Variants in DOCK3 observed in about 807,000 individuals in gnomAD.
DOCK3 encodes the protein dedicator of cytokinesis protein 3.
Under a neutral mutation model 265.6 loss-of-function variants are expected in DOCK3, and 60 were observed. The observed-to-expected ratio is 0.23, with a 90% CI of 0.18 to 0.28. The LOEUF (loss-of-function observed/expected upper bound fraction) is 0.28. Among genes scored for constraint, DOCK3 ranks in the 10% least tolerant of loss-of-function variants. DOCK3 has a pLI of 1.00. For synonymous variants in DOCK3, 881 were observed against 938.0 expected (o/e 0.94, Z 1.11); for missense variants, 1,981 against 2,594.3 (o/e 0.76, Z 5.14).
intron 23 of DOCK3, among the ~76,000 whole-genome samples, chr3:51,266,274 A>G (rs951833462): frequency 2.0e-5 from 3 of 152,200 alleles, no homozygotes; most frequent in Admixed American, 6.5e-5. Flanking sequence ...TATAGAGTCA[A>G]TGCCATCCCC....
intron 1 of DOCK3, among the ~76,000 whole-genome samples, chr3:50,686,470 T>C (rs1156960467): frequency 3.9e-5 from 6 of 152,194 alleles, no homozygotes; most frequent in Admixed American, 6.5e-5. Context: ...ATTCACCTGG[T>C]TTATTCACAG....
intron 2 of DOCK3, among the ~76,000 whole-genome samples, chr3:50,784,208 T>A (rs1175237349): frequency 6.6e-6 from 1 of 152,212 alleles, no homozygotes; most frequent in African/African-American, 2.4e-5. Flanking sequence ...GGGGATTCAG[T>A]TTCATTCTTC....
chr3:51,050,776 C>T (rs898341204), intron 5 of DOCK3, among the ~76,000 whole-genome samples: 10 of 152,160 alleles, frequency 6.6e-5, no homozygotes, highest in Non-Finnish European at 5.9e-5. Flanking sequence ...CTTCTTTACT[C>T]AGTCTGCTGG....
intron 27 of DOCK3, among the ~76,000 whole-genome samples, chr3:51,297,117 CAAAAAAAAAA>C (rs71633066): frequency 3.0e-5 from 2 of 65,906 alleles, no homozygotes; most frequent in Non-Finnish European, 5.0e-5. Context: ...GACTCTGTCT[CAAAAAAAAAA>C]AAAAAAAAAA....
intron 2 of DOCK3, among the ~76,000 whole-genome samples, chr3:50,835,360 AC>A (rs1339943797): frequency 6.6e-6 from 1 of 152,130 alleles, no homozygotes; most frequent in Admixed American, 6.5e-5. Context: ...TACTTTTCTG[AC>A]AAAATATTTG....
At chr3:51,093,399 C>T (rs749238865) in intron 9 of DOCK3, among the ~76,000 whole-genome samples, 4 of 152,076 alleles carry the variant, frequency 2.6e-5, no homozygotes, top group Non-Finnish European at 5.9e-5. Context: ...TCCTTCACAT[C>T]CCTTGTAAGT....
chr3:50,955,333 G>A (rs907038356), intron 5 of DOCK3, among the ~76,000 whole-genome samples: 8 of 152,116 alleles, frequency 5.3e-5, no homozygotes, highest in Non-Finnish European at 4.4e-5. Flanking sequence ...CTCATTGCTG[G>A]TTATGTACTC....
At chr3:51,235,348 G>A (rs1490877858) in intron 19 of DOCK3, among the ~76,000 whole-genome samples, 1 of 152,146 alleles carries the variant, frequency 6.6e-6, no homozygotes, top group East Asian at 1.9e-4. Context: ...CTTTTCAAGG[G>A]TGAGCTTTTA....
intron 5 of DOCK3, among the ~76,000 whole-genome samples, chr3:51,019,554 C>A (rs376368116): frequency 4.6e-5 from 7 of 151,926 alleles, no homozygotes; most frequent in African/African-American, 1.7e-4. Context: ...CTTTGCTGCA[C>A]AGATCAACCC....
At chr3:50,720,187 A>G (rs919011205) in intron 1 of DOCK3, among the ~76,000 whole-genome samples, 3 of 152,154 alleles carry the variant, frequency 2.0e-5, no homozygotes, top group Middle Eastern at 3.4e-3. Context: ...CATTTTTTAT[A>G]TAGGTAAATT....
At chr3:51,370,416 C>T (rs922666527) in intron 49 of DOCK3, among the ~76,000 whole-genome samples, 1 of 152,348 alleles carries the variant, frequency 6.6e-6, no homozygotes, top group Non-Finnish European at 1.5e-5. Context: ...CTCAAATGCA[C>T]TCTGACATTG....
chr3:51,379,570 T>A (rs1333520587), intron 51 of DOCK3: 1 of 985,446 alleles, frequency 1.0e-6, no homozygotes, highest in Non-Finnish European at 1.2e-6. Context: ...GCCTGCTGCA[T>A]GGTAAGAAGA....
At position 51,208,791 on chromosome 3, in the gene DOCK3, A is replaced by G; in HGVS notation, c.1055A>G (p.Glu352Gly). 6.2e-7 allele frequency: 1 copy of G among 1,610,900 alleles called. No homozygotes were observed. The highest frequency in any genetic ancestry group is 8.5e-7 in the Non-Finnish European group (1 of 1,178,742). ...TGTTACAGGTGCAACAACGAGAGTG[A>G]GTGGTCCCAGATCCACGAGAACATC... is the stretch of plus-strand genomic sequence containing the variant. ...LKVYTCNNES[E>G]WSQIHENIIR... Residue 352 changes from glutamate (E) to glycine (G), a missense_variant, in exon 13 of 53, where the codon GAG becomes GGG. Glu to Gly is a moderately conservative substitution (Grantham distance 98). Around this residue, in one of 4 missense-constraint regions of DOCK3, gnomAD observed 456 missense variants for 539.0 expected, o/e 0.85. Coordinates refer to ENST00000266037, the MANE Select transcript of DOCK3 (RefSeq NM_004947.5).
chr3:50,811,978 A>T, intron 2 of DOCK3, among the ~76,000 whole-genome samples: 1 of 152,226 alleles, frequency 6.6e-6, no homozygotes, highest in South Asian at 2.1e-4. Flanking sequence ...CAAGCAAGAA[A>T]CTAAGAACTT....
intron 22 of DOCK3, among the ~76,000 whole-genome samples, chr3:51,255,473 G>A (rs983828045): frequency 2.6e-5 from 4 of 152,190 alleles, no homozygotes; most frequent in Admixed American, 6.5e-5. Flanking sequence ...TTCCAACTTG[G>A]TTCCATTCTC....
chr3:50,719,265 TTTC>T (rs949089174), intron 1 of DOCK3, among the ~76,000 whole-genome samples: 3 of 34,872 alleles, frequency 8.6e-5, no homozygotes, highest in African/African-American at 5.8e-4. Flanking sequence ...GTTTAGATAT[TTTC>T]TTTTTTTTTT....
At chr3:50,819,966 T>TA (rs1356685265) in intron 2 of DOCK3, among the ~76,000 whole-genome samples, 3 of 151,604 alleles carry the variant, frequency 2.0e-5, no homozygotes, top group Admixed American at 1.3e-4. Flanking sequence ...CGTCTCAAAA[T>TA]AAAAAACAAC....
At chr3:50,941,843 A>G (rs1048424034) in intron 5 of DOCK3, among the ~76,000 whole-genome samples, 1 of 152,128 alleles carries the variant, frequency 6.6e-6, no homozygotes, top group Non-Finnish European at 1.5e-5. Context: ...TGACATTCTC[A>G]TAGTGACAAA....
chr3:50,960,723 T>G (rs1416836635), intron 5 of DOCK3, among the ~76,000 whole-genome samples: 1 of 152,178 alleles, frequency 6.6e-6, no homozygotes, highest in African/African-American at 2.4e-5. Context: ...ATTTTTTAAA[T>G]GTATTGTGCT....
Sources: gnomAD v4.1 joint callset for allele counts (sites outside exome capture counted in the v4.1 genomes callset) on GRCh38, gnomAD v4.1.1 for gene constraint, gnomAD v4.1.1 regional missense constraint, MANE v1.5 for transcripts, NCBI Gene and HGNC (gene_info 2026-07-23, HGNC 2026-07-21) for gene names.